The following RAB11FIP4 variants were observed in gnomAD, a reference collection of about 807,000 sequenced individuals.
RAB11FIP4 encodes the protein RAB11 family interacting protein 4, also known as rab11 family-interacting protein 4.
A neutral mutation model predicts 74.3 loss-of-function variants in RAB11FIP4; 23 were observed. The ratio of observed to expected loss-of-function variants is 0.31; its 90% CI spans 0.22 to 0.44. The LOEUF (loss-of-function observed/expected upper bound fraction) is 0.44, where lower values mean the gene tolerates loss of function less well. RAB11FIP4 is among the 20% of genes least tolerant of loss of function. The pLI is 1.00. For synonymous variants in RAB11FIP4, 360 were observed against 359.9 expected, an observed-to-expected ratio of 1.00 and a Z score of 0.00; for missense variants, 630 against 863.9, an observed-to-expected ratio of 0.73 and a Z score of 3.39.
At chr17:31,467,481 C>T (rs1226562178) in intron 3 of RAB11FIP4, among the ~76,000 whole-genome samples, 1 of 152,204 alleles carries the variant, frequency 6.6e-6, no homozygotes, top group Admixed American at 6.5e-5. Context: ...CCTTCTTCAT[C>T]CTGCCCTCAG....
At chr17:31,470,761 C>G (rs991363457) in intron 3 of RAB11FIP4, among the ~76,000 whole-genome samples, 8 of 152,222 alleles carry the variant, frequency 5.3e-5, no homozygotes, top group African/African-American at 1.7e-4. Flanking sequence ...GATGTGAGCA[C>G]TGAGGCTCAG....
intron 1 of RAB11FIP4, among the ~76,000 whole-genome samples, chr17:31,409,095 T>C: frequency 6.6e-6 from 1 of 152,034 alleles, no homozygotes; most frequent in East Asian, 1.9e-4. Context: ...CCCTGGCCCG[T>C]GTGTGGTCTT....
At chr17:31,412,376 C>G (rs962038901) in intron 1 of RAB11FIP4, among the ~76,000 whole-genome samples, 9 of 152,220 alleles carry the variant, frequency 5.9e-5, no homozygotes, top group African/African-American at 2.2e-4. Context: ...ATGGAGCCCG[C>G]TCCCCCTTCA....
intron 3 of RAB11FIP4, among the ~76,000 whole-genome samples, chr17:31,489,166 C>G (rs1305134968): frequency 6.6e-6 from 1 of 152,202 alleles, no homozygotes; most frequent in East Asian, 1.9e-4. Context: ...CTTGGAGTGG[C>G]AGCACCCTGG....
intron 3 of RAB11FIP4, among the ~76,000 whole-genome samples, chr17:31,444,733 T>C (rs891462789): frequency 1.3e-5 from 2 of 152,188 alleles, no homozygotes; most frequent in Non-Finnish European, 2.9e-5. Flanking sequence ...TCCCGTCTTT[T>C]TAAAGCTGAG....
At chr17:31,483,192 C>CAAAAAAAAAAAAA (rs56720417) in intron 3 of RAB11FIP4, among the ~76,000 whole-genome samples, 8 of 58,570 alleles carry the variant, frequency 1.4e-4, no homozygotes, top group Non-Finnish European at 1.8e-4. Flanking sequence ...GACTGCATCT[C>CAAAAAAAAAAAAA]AAAAAAAAAA....
At chr17:31,492,429 G>A (rs940580670) in intron 3 of RAB11FIP4, among the ~76,000 whole-genome samples, 6 of 152,096 alleles carry the variant, frequency 3.9e-5, no homozygotes, top group African/African-American at 1.4e-4. Flanking sequence ...GAAGGTTGGG[G>A]TGCCCTCTGA....
chr17:31,463,803 C>CTTTTTT (rs60955293), intron 3 of RAB11FIP4, among the ~76,000 whole-genome samples: 3,172 of 32,848 alleles, frequency 0.097, 1,277 homozygotes, highest in Middle Eastern at 0.22. Context: ...TGCGCCTGGA[C>CTTTTTT]TTTTTTTTTT....
rs183368317 is a variant in RAB11FIP4 at position 31,445,938 on chromosome 17, G to A, written c.336+11816G>A. 1.1e-3 allele frequency among the ~76,000 whole-genome samples: 169 copies of A among 151,910 alleles called. 1 individual carries two copies. Among genetic ancestry groups the A allele is most frequent in the African/African-American group, 3.9e-3 (162 of 41,436 alleles). ...TTATTTTTATCTCAAATCTAATACA[G>A]GATCACACAGTAGTTTAGTTGCCAT... On this transcript the variant is annotated intron_variant, in intron 3 of 14. Coordinates refer to ENST00000621161, the MANE Select transcript of RAB11FIP4 (RefSeq NM_032932.6).
At chr17:31,417,562 G>T (rs2071160195) in intron 1 of RAB11FIP4, among the ~76,000 whole-genome samples, 1 of 152,200 alleles carries the variant, frequency 6.6e-6, no homozygotes, top group Non-Finnish European at 1.5e-5. Flanking sequence ...ACGATGTCAG[G>T]TGCCCAGCCA....
intron 1 of RAB11FIP4, among the ~76,000 whole-genome samples, chr17:31,402,369 T>C (rs1456561068): frequency 6.6e-6 from 1 of 152,112 alleles, no homozygotes; most frequent in African/African-American, 2.4e-5. Context: ...GACTGAGAAC[T>C]CAGGCTGGAA....
chr17:31,537,514 G>C lies in RAB11FIP4; in HGVS notation c.*5782G>C, dbSNP rs1313871206. The C allele has an allele frequency of 7.1e-6, 2 of 280,602 alleles. No individual in the cohort carries two copies. Among genetic ancestry groups the C allele is most frequent in the Non-Finnish European group, 1.3e-5 (2 of 150,762 alleles). The allele number at this position is 280,602 out of a possible 1,614,324, so 17.4% of individuals were successfully genotyped here. ...CTTTCCCTGCATTGTTAGTGATGTC[G>C]GGCAAAGCATCACTCTTTAACCTGG... On this transcript the variant is annotated 3_prime_UTR_variant, in exon 15 of 15. Transcript: ENST00000621161.
At chr17:31,505,908 C>T (rs2072340243) in intron 3 of RAB11FIP4, among the ~76,000 whole-genome samples, 1 of 144,770 alleles carries the variant, frequency 6.9e-6, no homozygotes, top group Non-Finnish European at 1.5e-5. Context: ...GATGGAGTCT[C>T]ATTATGTTTC....
chr17:31,446,575 G>C (rs2071466311), intron 3 of RAB11FIP4, among the ~76,000 whole-genome samples: 1 of 152,052 alleles, frequency 6.6e-6, no homozygotes, highest in African/African-American at 2.4e-5. Context: ...TCCTCTTTGG[G>C]CTGAGATTAG....
intron 3 of RAB11FIP4, among the ~76,000 whole-genome samples, chr17:31,464,573 T>C (rs1473585154): frequency 6.6e-6 from 1 of 152,058 alleles, no homozygotes; most frequent in Non-Finnish European, 1.5e-5. Flanking sequence ...TGCCTCAGCC[T>C]CCCAAGTAGC....
chr17:31,453,355 C>CAAAAAAAAAAAAAAAA (rs747844559), intron 3 of RAB11FIP4, among the ~76,000 whole-genome samples: 4 of 71,814 alleles, frequency 5.6e-5, no homozygotes, highest in African/African-American at 2.4e-4. Context: ...GACCCTACCT[C>CAAAAAAAAAAAAAAAA]AAAAAAAAAA....
chr17:31,445,227 C>T (rs2071439740), intron 3 of RAB11FIP4, among the ~76,000 whole-genome samples: 1 of 152,064 alleles, frequency 6.6e-6, no homozygotes, highest in South Asian at 2.1e-4. Context: ...AATTTTCAAC[C>T]TTCAGAAAAG....
chr17:31,448,144 G>A (rs1394962739), intron 3 of RAB11FIP4, among the ~76,000 whole-genome samples: 2 of 152,206 alleles, frequency 1.3e-5, no homozygotes, highest in African/African-American at 4.8e-5. Context: ...TGCTTTAGAG[G>A]CTGCTCTTTC....
chr17:31,437,953 G>A (rs2071375293), intron 3 of RAB11FIP4, among the ~76,000 whole-genome samples: 1 of 152,174 alleles, frequency 6.6e-6, no homozygotes, highest in South Asian at 2.1e-4. Context: ...CCAGAGCCCT[G>A]CGAGACCCTG....
Sources: gnomAD v4.1 joint callset for allele counts (sites outside exome capture counted in the v4.1 genomes callset) on GRCh38, gnomAD v4.1.1 for gene constraint, MANE v1.5 for transcripts, NCBI Gene and HGNC (gene_info 2026-07-23, HGNC 2026-07-21) for gene names.